Variants in KIAA0825 observed in about 807,000 individuals in gnomAD.
KIAA0825 encodes the protein uncharacterized protein KIAA0825.
Under a neutral mutation model 147.6 loss-of-function variants are expected in KIAA0825, and 119 were observed. The observed-to-expected ratio is 0.81, with a 90% confidence interval of 0.69 to 0.94. The LOEUF (loss-of-function observed/expected upper bound fraction) is 0.94, where lower values mean the gene tolerates loss of function less well. KIAA0825 is among the 40% of genes least tolerant of loss of function. The probability of loss-of-function intolerance (pLI) is 0.00; values close to 1 mark genes in which losing one functional copy is unlikely to be tolerated. For synonymous variants in KIAA0825, 470 were observed against 518.1 expected (o/e 0.91, Z 1.26); for missense variants, 1,381 against 1,472.7 (o/e 0.94, Z 1.02).
At chr5:94,251,990 A>G (rs1775987122) in intron 20 of KIAA0825, among the ~76,000 whole-genome samples, 1 of 152,072 alleles carries the variant, frequency 6.6e-6, no homozygotes, top group African/African-American at 2.4e-5. Flanking sequence ...TTTGGTTGTC[A>G]TTAACAAGAC....
At chr5:94,235,481 G>T (rs2150093608) in intron 20 of KIAA0825, among the ~76,000 whole-genome samples, 1 of 152,316 alleles carries the variant, frequency 6.6e-6, no homozygotes, top group Non-Finnish European at 1.5e-5. Flanking sequence ...GAGGTTTAAG[G>T]AAAGAAGCTG....
intron 20 of KIAA0825, among the ~76,000 whole-genome samples, chr5:94,266,436 C>T (rs1017793293): frequency 8.5e-5 from 13 of 152,140 alleles, no homozygotes; most frequent in African/African-American, 3.1e-4. Context: ...GATATCATTT[C>T]AGATTTTTGT....
chr5:94,198,076 T>A (rs2150015439), intron 20 of KIAA0825, among the ~76,000 whole-genome samples: 1 of 152,332 alleles, frequency 6.6e-6, no homozygotes, highest in East Asian at 1.9e-4. Context: ...ATTTTAATAA[T>A]ATTGATTCTT....
chr5:94,504,838 C>A (rs531405512), intron 5 of KIAA0825, among the ~76,000 whole-genome samples: 2 of 149,666 alleles, frequency 1.3e-5, no homozygotes, highest in Admixed American at 1.3e-4. Flanking sequence ...ACCTCTGCTT[C>A]CCAGGTTCAA....
chr5:94,615,317 AT>A (rs1458870189), intron 1 of KIAA0825, among the ~76,000 whole-genome samples: 1 of 152,174 alleles, frequency 6.6e-6, no homozygotes, highest in African/African-American at 2.4e-5. Flanking sequence ...AAACTCCTAT[AT>A]GTTATAGATG....
At chr5:94,435,164 G>C (rs760400739) in intron 14 of KIAA0825, among the ~76,000 whole-genome samples, 2 of 151,380 alleles carry the variant, frequency 1.3e-5, no homozygotes, top group Non-Finnish European at 2.9e-5. Flanking sequence ...ACATGTACAG[G>C]ATGTGCAAAC....
At chr5:94,266,478 C>T (rs1190627900) in intron 20 of KIAA0825, among the ~76,000 whole-genome samples, 1 of 152,022 alleles carries the variant, frequency 6.6e-6, no homozygotes, top group East Asian at 1.9e-4. Context: ...AAGAAACTAC[C>T]ATTTGTTGAA....
At chr5:94,376,283 A>G (rs943088464) in intron 20 of KIAA0825, among the ~76,000 whole-genome samples, 1 of 152,228 alleles carries the variant, frequency 6.6e-6, no homozygotes, top group African/African-American at 2.4e-5. Flanking sequence ...ACCAGATACT[A>G]TAGTAGATAC....
At chr5:94,520,174 A>G in intron 5 of KIAA0825, 74 bp downstream of exon 5, 1 of 1,403,216 alleles carries the variant, frequency 7.1e-7, no homozygotes, top group Non-Finnish European at 9.4e-7. Flanking sequence ...TTAACCAAAT[A>G]GAAAACATCT....
chr5:94,528,380 A>G (rs1304239272), intron 3 of KIAA0825, among the ~76,000 whole-genome samples: 1 of 152,146 alleles, frequency 6.6e-6, no homozygotes, highest in Non-Finnish European at 1.5e-5. Context: ...GTTATATACC[A>G]CGGATCCCAC....
At chr5:94,430,896 T>A (rs1412677125) in intron 14 of KIAA0825, among the ~76,000 whole-genome samples, 1 of 152,196 alleles carries the variant, frequency 6.6e-6, no homozygotes, top group Non-Finnish European at 1.5e-5. Flanking sequence ...GAGTCCTAAA[T>A]ATATAGAACT....
At chr5:94,408,217 G>T (rs970118199) in intron 15 of KIAA0825, among the ~76,000 whole-genome samples, 2 of 152,192 alleles carry the variant, frequency 1.3e-5, no homozygotes, top group African/African-American at 4.8e-5. Flanking sequence ...TTTTGATAGT[G>T]AGAAGAAAGG....
intron 1 of KIAA0825, among the ~76,000 whole-genome samples, chr5:94,613,383 G>C (rs749302294): frequency 6.6e-6 from 1 of 152,248 alleles, no homozygotes; most frequent in Middle Eastern, 3.4e-3. Context: ...TTTTTTGGTA[G>C]AGATGGGGTT....
chr5:94,479,746 C>T (rs992367634), intron 6 of KIAA0825, among the ~76,000 whole-genome samples: 8 of 152,058 alleles, frequency 5.3e-5, no homozygotes, highest in African/African-American at 1.9e-4. Context: ...CACATCCTTG[C>T]CAGAATTTGG....
chr5:94,362,601 T>C (rs2150409278), intron 20 of KIAA0825, among the ~76,000 whole-genome samples: 1 of 139,960 alleles, frequency 7.1e-6, no homozygotes, highest in East Asian at 1.9e-4. Flanking sequence ...TCCCCTCCTC[T>C]GTGATCTTCT....
intron 5 of KIAA0825, among the ~76,000 whole-genome samples, chr5:94,516,303 G>A (rs1767218855): frequency 6.6e-6 from 1 of 152,072 alleles, no homozygotes; most frequent in Non-Finnish European, 1.5e-5. Context: ...AAGGCCAACT[G>A]GTAGAATAAC....
intron 2 of KIAA0825, among the ~76,000 whole-genome samples, chr5:94,556,213 CG>C (rs772578476): frequency 6.6e-6 from 1 of 151,878 alleles, no homozygotes; most frequent in Non-Finnish European, 1.5e-5. Context: ...CCACCACACC[CG>C]GCTAGTTTTT....
chr5:94,355,401 T>G (rs1784135256), intron 20 of KIAA0825, among the ~76,000 whole-genome samples: 1 of 152,182 alleles, frequency 6.6e-6, no homozygotes. Flanking sequence ...TAAAATATTT[T>G]TATTTTCTTC....
chr5:94,335,392 T>C (rs993791581), intron 20 of KIAA0825, among the ~76,000 whole-genome samples: 13 of 152,170 alleles, frequency 8.5e-5, no homozygotes, highest in African/African-American at 3.1e-4. Flanking sequence ...ATATTTCTCA[T>C]AGAGTGTACC....
Sources: allele counts gnomAD v4.1 joint callset (sites outside exome capture counted in the v4.1 genomes callset), GRCh38; gene constraint gnomAD v4.1.1; transcripts MANE v1.5; gene names NCBI Gene and HGNC (gene_info 2026-07-23, HGNC 2026-07-21).